KCND2: variants seen among roughly 807,000 people sequenced by gnomAD.
KCND2 encodes the protein A-type voltage-gated potassium channel KCND2.
KCND2 carries 16 observed loss-of-function variants against 54.4 expected under a neutral mutation model. That is an observed-to-expected ratio of 0.29 (90% CI 0.20 to 0.45). KCND2 has a LOEUF of 0.45. Among genes scored for constraint, KCND2 ranks in the 20% least tolerant of loss-of-function variants. The pLI is 1.00. For synonymous variants in KCND2, 317 were observed against 310.7 expected (o/e 1.02, Z -0.21); for missense variants, 486 against 824.2 (o/e 0.59, Z 5.02).
chr7:120,521,390 T>A (rs1791690011), intron 1 of KCND2, among the ~76,000 whole-genome samples: 1 of 152,134 alleles, frequency 6.6e-6, no homozygotes, highest in East Asian at 1.9e-4. Context: ...CGAAAATGCA[T>A]CTTTTACCTG....
intron 1 of KCND2, among the ~76,000 whole-genome samples, chr7:120,465,373 G>A (rs757465558): frequency 1.3e-4 from 20 of 151,572 alleles, no homozygotes; most frequent in Admixed American, 5.3e-4. Flanking sequence ...GAGAAAAAAG[G>A]CATCTGATTC....
At chr7:120,284,198 C>G (rs1017223034) in intron 1 of KCND2, among the ~76,000 whole-genome samples, 4 of 152,074 alleles carry the variant, frequency 2.6e-5, no homozygotes, top group Non-Finnish European at 5.9e-5. Context: ...CATTTGCCCT[C>G]TAGATAACTC....
At chr7:120,584,042 T>A (rs185739620) in intron 1 of KCND2, among the ~76,000 whole-genome samples, 3 of 152,360 alleles carry the variant, frequency 2.0e-5, no homozygotes. Context: ...CCAGTGAAAT[T>A]CCAAAGGGTG....
chr7:120,739,768 GA>G (rs1192638476), intron 2 of KCND2, among the ~76,000 whole-genome samples: 2 of 151,016 alleles, frequency 1.3e-5, no homozygotes, highest in Admixed American at 1.3e-4. Context: ...AATAACTTTG[GA>G]GGGAAATTTG....
chr7:120,296,790 C>T lies in KCND2; in HGVS notation c.1115+21043C>T, dbSNP rs571349641. ...TGGCTAGGGTAGAATAAAACACAGC[C>T]AGATCTGTAATTAAGATATCAATTT... is the stretch of plus-strand genomic sequence containing the variant. On this transcript the variant is annotated intron_variant, in intron 1 of 5. Transcript: ENST00000331113. Among the ~76,000 whole-genome samples the T allele has an allele frequency of 2.6e-5, 4 of 152,078 alleles. No individual in the cohort carries two copies. The South Asian group carries it at 8.3e-4, about 32-fold the overall frequency.
At chr7:120,380,686 A>G (rs140738480) in intron 1 of KCND2, among the ~76,000 whole-genome samples, 1 of 152,120 alleles carries the variant, frequency 6.6e-6, no homozygotes. Flanking sequence ...TTTCTGAGAA[A>G]AATATCCAGT....
At chr7:120,581,523 A>T (rs1374769619) in intron 1 of KCND2, among the ~76,000 whole-genome samples, 1 of 152,224 alleles carries the variant, frequency 6.6e-6, no homozygotes, top group Non-Finnish European at 1.5e-5. Flanking sequence ...AGAGGGATAG[A>T]ATAAAACAAT....
At chr7:120,618,280 G>A (rs1045650139) in intron 1 of KCND2, among the ~76,000 whole-genome samples, 8 of 152,062 alleles carry the variant, frequency 5.3e-5, no homozygotes, top group Admixed American at 3.3e-4. Flanking sequence ...TTACACACCT[G>A]TATACAAAAA....
At chr7:120,643,366 A>G (rs1318377407) in intron 1 of KCND2, among the ~76,000 whole-genome samples, 2 of 152,198 alleles carry the variant, frequency 1.3e-5, no homozygotes, top group African/African-American at 4.8e-5. Context: ...ATCATATGGT[A>G]TTGAAAACTT....
chr7:120,484,180 G>T (rs1354137400), intron 1 of KCND2, among the ~76,000 whole-genome samples: 2 of 152,106 alleles, frequency 1.3e-5, no homozygotes, highest in African/African-American at 4.8e-5. Flanking sequence ...GGCAGGACTC[G>T]TGAGGGTACA....
intron 1 of KCND2, among the ~76,000 whole-genome samples, chr7:120,414,237 G>A (rs1801494559): frequency 6.6e-6 from 1 of 151,964 alleles, no homozygotes; most frequent in African/African-American, 2.4e-5. Flanking sequence ...GATTCCAGAG[G>A]CAGAAAATTT....
chr7:120,654,299 A>G (rs946268964), intron 1 of KCND2, among the ~76,000 whole-genome samples: 8 of 152,208 alleles, frequency 5.3e-5, no homozygotes, highest in African/African-American at 1.9e-4. Flanking sequence ...CAGGTATTCA[A>G]CTGGAGAGAC....
chr7:120,662,788 G>A (rs1219061337), intron 1 of KCND2, among the ~76,000 whole-genome samples: 2 of 152,146 alleles, frequency 1.3e-5, no homozygotes, highest in African/African-American at 2.4e-5. Context: ...AAGTGAGGAT[G>A]GAGTAAAGAT....
rs117930763 is a variant in KCND2 at position 120,514,141 on chromosome 7, A to G, written c.1116-218762A>G. On this transcript the variant is annotated intron_variant, in intron 1 of 5. Transcript: ENST00000331113. ...TATCACCTACTAATGCTTACAAGGTATAAGTTCCTGGAAAAGATGTGGCAA... is the reference window on the plus strand; with the variant it reads ...TATCACCTACTAATGCTTACAAGGTGTAAGTTCCTGGAAAAGATGTGGCAA... Among the ~76,000 whole-genome samples, 55 of 152,214 alleles carry G rather than the reference A, an allele frequency of 3.6e-4. No individual in the cohort carries two copies. In the East Asian group the frequency reaches 6.8e-3, roughly 19 times the overall value.
chr7:120,435,793 C>T (rs1467388277), intron 1 of KCND2, among the ~76,000 whole-genome samples: 1 of 152,130 alleles, frequency 6.6e-6, no homozygotes, highest in Admixed American at 6.5e-5. Flanking sequence ...TTCTCACTCT[C>T]CCATTCCAAT....
At chr7:120,415,856 C>A (rs1199877497) in intron 1 of KCND2, among the ~76,000 whole-genome samples, 1 of 152,188 alleles carries the variant, frequency 6.6e-6, no homozygotes, top group African/African-American at 2.4e-5. Flanking sequence ...ATACTACACC[C>A]CTACCTTCCT....
At chr7:120,635,672 G>A (rs535266133) in intron 1 of KCND2, among the ~76,000 whole-genome samples, 1 of 152,008 alleles carries the variant, frequency 6.6e-6, no homozygotes, top group African/African-American at 2.4e-5. Context: ...TTTATTAAGG[G>A]CAATAAAAAC....
At chr7:120,400,971 A>AG (rs1801244392) in intron 1 of KCND2, among the ~76,000 whole-genome samples, 1 of 148,494 alleles carries the variant, frequency 6.7e-6, no homozygotes, top group Admixed American at 6.7e-5. Context: ...AAAAAAAAAA[A>AG]GAAGAAGAAG....
At chr7:120,295,672 A>G (rs1363262550) in intron 1 of KCND2, among the ~76,000 whole-genome samples, 1 of 151,998 alleles carries the variant, frequency 6.6e-6, no homozygotes, top group Admixed American at 6.6e-5. Context: ...CATAATATAC[A>G]AATACCTGTT....
Sources: gnomAD v4.1 joint callset for allele counts (sites outside exome capture counted in the v4.1 genomes callset) on GRCh38, gnomAD v4.1.1 for gene constraint, MANE v1.5 for transcripts, NCBI Gene and HGNC (gene_info 2026-07-23, HGNC 2026-07-21) for gene names.